Variants in LRMDA observed in about 807,000 individuals in gnomAD.
LRMDA encodes the protein leucine rich melanocyte differentiation associated.
LRMDA carries 18 observed loss-of-function variants against 29.8 expected under a neutral mutation model. That is an observed-to-expected ratio of 0.60 (90% CI 0.42 to 0.90). The LOEUF (loss-of-function observed/expected upper bound fraction) is 0.90. Among genes scored for constraint, LRMDA ranks in the 40% least tolerant of loss-of-function variants. LRMDA has a pLI of 0.00. For missense variants in LRMDA, 273 were observed against 273.9 expected (o/e 1.00, Z 0.02); for synonymous variants, 125 against 109.4 (o/e 1.14, Z -0.89).
intron 2 of LRMDA, among the ~76,000 whole-genome samples, chr10:75,922,673 CTG>C (rs1307238961): frequency 1.3e-5 from 2 of 152,170 alleles, no homozygotes; most frequent in African/African-American, 2.4e-5. Context: ...GACTGCAGGA[CTG>C]TTTCTCCAGA....
intron 2 of LRMDA, among the ~76,000 whole-genome samples, chr10:75,493,884 G>T (rs1401409689): frequency 7.5e-6 from 1 of 133,280 alleles, no homozygotes; most frequent in African/African-American, 2.9e-5. Flanking sequence ...TGACTGACTT[G>T]TCTGAAATTT....
chr10:75,462,044 G>T (rs927274201), intron 2 of LRMDA, among the ~76,000 whole-genome samples: 1 of 152,222 alleles, frequency 6.6e-6, no homozygotes, highest in Admixed American at 6.5e-5. Context: ...CATTTGAAAC[G>T]AAAGTGCCTT....
At chr10:76,074,700 G>A (rs1252280834) in intron 5 of LRMDA, among the ~76,000 whole-genome samples, 3 of 152,116 alleles carry the variant, frequency 2.0e-5, no homozygotes, top group Non-Finnish European at 4.4e-5. Flanking sequence ...TAGCCCACCT[G>A]AATTGTTCAT....
At chr10:75,545,660 C>T (rs1265012676) in intron 2 of LRMDA, among the ~76,000 whole-genome samples, 1 of 152,070 alleles carries the variant, frequency 6.6e-6, no homozygotes, top group African/African-American at 2.4e-5. Context: ...AACTGAGCCC[C>T]AGAGAGGGGA....
intron 2 of LRMDA, among the ~76,000 whole-genome samples, chr10:75,903,101 G>A (rs1040900805): frequency 1.3e-5 from 2 of 152,240 alleles, no homozygotes; most frequent in Non-Finnish European, 2.9e-5. Context: ...TGCCTAGAAA[G>A]TGAATTGTGT....
At chr10:76,349,580 A>C (rs1159955522) in intron 6 of LRMDA, among the ~76,000 whole-genome samples, 1 of 152,114 alleles carries the variant, frequency 6.6e-6, no homozygotes, top group Non-Finnish European at 1.5e-5. Flanking sequence ...TTTTCAAACT[A>C]TCCAAAAGTC....
intron 2 of LRMDA, among the ~76,000 whole-genome samples, chr10:75,661,134 C>T (rs1427363571): frequency 6.6e-6 from 1 of 152,144 alleles, no homozygotes; most frequent in Non-Finnish European, 1.5e-5. Context: ...TGTGTTGAGG[C>T]ACACGGGCTG....
At chr10:76,084,302 A>G (rs1269470906) in intron 5 of LRMDA, among the ~76,000 whole-genome samples, 1 of 150,554 alleles carries the variant, frequency 6.6e-6, no homozygotes, top group Non-Finnish European at 1.5e-5. Flanking sequence ...AGTTCAAGCA[A>G]TTCTCCTGCC....
chr10:76,023,966 T>C (rs1204792679), intron 2 of LRMDA, among the ~76,000 whole-genome samples: 1 of 152,248 alleles, frequency 6.6e-6, no homozygotes, highest in Non-Finnish European at 1.5e-5. Flanking sequence ...ATCTGCAAAT[T>C]GGACAGGTCA....
intron 2 of LRMDA, among the ~76,000 whole-genome samples, chr10:75,819,205 A>G (rs1844114372): frequency 6.6e-6 from 1 of 152,186 alleles, no homozygotes; most frequent in African/African-American, 2.4e-5. Flanking sequence ...TGGGAGGAGG[A>G]TTATGTTTAA....
intron 2 of LRMDA, among the ~76,000 whole-genome samples, chr10:75,737,123 G>A (rs1842775626): frequency 6.6e-6 from 1 of 151,888 alleles, no homozygotes; most frequent in Non-Finnish European, 1.5e-5. Flanking sequence ...GCACACACAT[G>A]CACACATGCC....
chr10:76,526,376 A>G (rs1368540337), intron 6 of LRMDA, among the ~76,000 whole-genome samples: 1 of 152,098 alleles, frequency 6.6e-6, no homozygotes, highest in Non-Finnish European at 1.5e-5. Context: ...CATGGTCTCA[A>G]AATGGTTGCT....
At chr10:75,779,415 T>G (rs7080160) in intron 2 of LRMDA, among the ~76,000 whole-genome samples, 57,570 of 151,998 alleles carry the variant, frequency 0.38, 12,861 homozygotes, top group South Asian at 0.54. Flanking sequence ...CAAAGTCATG[T>G]CCAAGCCAAG....
intron 2 of LRMDA, among the ~76,000 whole-genome samples, chr10:75,591,186 T>C (rs1436679882): frequency 6.6e-6 from 1 of 152,110 alleles, no homozygotes. Flanking sequence ...CAGTGAGACA[T>C]CATCTCTACA....
intron 6 of LRMDA, among the ~76,000 whole-genome samples, chr10:76,527,096 A>G (rs918025154): frequency 6.7e-6 from 1 of 149,400 alleles, no homozygotes; most frequent in Non-Finnish European, 1.5e-5. Context: ...ATTTAGAGCT[A>G]CATTTGTCTG....
intron 2 of LRMDA, among the ~76,000 whole-genome samples, chr10:76,011,520 T>A (rs1213890551): frequency 2.6e-5 from 4 of 152,104 alleles, no homozygotes; most frequent in African/African-American, 9.7e-5. Context: ...AGTTCCTCCA[T>A]GTGACTAGTG....
At chr10:75,443,579 C>T (rs562926750) in intron 2 of LRMDA, among the ~76,000 whole-genome samples, 11 of 152,042 alleles carry the variant, frequency 7.2e-5, no homozygotes, top group Non-Finnish European at 1.6e-4. Context: ...GTGCATGATT[C>T]TTTTAATGTG....
At chr10:76,358,407 T>C (rs544023148) in intron 6 of LRMDA, among the ~76,000 whole-genome samples, 2 of 152,352 alleles carry the variant, frequency 1.3e-5, no homozygotes, top group South Asian at 4.1e-4. Context: ...TGTCAAATTA[T>C]GCACAGCGTT....
intron 6 of LRMDA, among the ~76,000 whole-genome samples, chr10:76,327,211 C>A (rs1840846397): frequency 6.6e-6 from 1 of 151,846 alleles, no homozygotes; most frequent in Admixed American, 6.6e-5. Flanking sequence ...CCTGCCTCAG[C>A]CTCCTGAGTA....
Sources: gnomAD v4.1 joint callset for allele counts (sites outside exome capture counted in the v4.1 genomes callset) on GRCh38, gnomAD v4.1.1 for gene constraint, MANE v1.5 for transcripts, NCBI Gene and HGNC (gene_info 2026-07-23, HGNC 2026-07-21) for gene names.